Variants in PYROXD1 observed in about 807,000 individuals in gnomAD.
PYROXD1 encodes tRNA ligase complex-associated NAD(P)H dehydrogenase PYROXD1.
Under a neutral mutation model 62.0 loss-of-function variants are expected in PYROXD1, and 42 were observed. That is an observed-to-expected ratio of 0.68 (90% confidence interval 0.53 to 0.88). PYROXD1 has a LOEUF of 0.88. Ranked by LOEUF, PYROXD1 falls within the 40% of genes least tolerant of loss-of-function variation. The probability of loss-of-function intolerance (pLI) is 0.00; values close to 1 mark genes in which losing one functional copy is unlikely to be tolerated. For synonymous variants in PYROXD1, 170 were observed against 206.4 expected (o/e 0.82, Z 1.51); for missense variants, 493 against 604.8 (o/e 0.82, Z 1.94).
Position 21,462,872 on chromosome 12 carries a change from CAT to C in PYROXD1, c.1116+16_1116+17del. On this transcript the variant is annotated intron_variant, in intron 10 of 11. Coordinates refer to ENST00000240651, the MANE Select transcript of PYROXD1 (RefSeq NM_024854.5). ...CCCAGTCTGGCAGCAGGTAAGCTAGCATATATAATTATATGTTTTCATCAGAG... is the reference window on the plus strand; with the variant it reads ...CCCAGTCTGGCAGCAGGTAAGCTAGCATATAATTATATGTTTTCATCAGAG... 5 of 1,608,738 alleles carry C rather than the reference CAT, an allele frequency of 3.1e-6. No homozygotes were observed. The highest frequency in any genetic ancestry group is 4.2e-6 in the Non-Finnish European group (5 of 1,178,522).
chr12:21,461,952 T>C, intron 8 of PYROXD1, 56 bp from the exon 9 acceptor site: 1 of 1,019,348 alleles, frequency 9.8e-7, no homozygotes, highest in Non-Finnish European at 1.5e-6. Flanking sequence ...TACACTGCTG[T>C]GGTGATGGTT....
chr12:21,438,690 G>A (rs1337770233), intron 1 of PYROXD1, among the ~76,000 whole-genome samples: 1 of 152,200 alleles, frequency 6.6e-6, no homozygotes, highest in African/African-American at 2.4e-5. Context: ...ATACATGTGT[G>A]TATTCCAAAA....
chr12:21,445,157 C>T (rs879613400), intron 2 of PYROXD1, among the ~76,000 whole-genome samples, 190 bp from the exon 3 acceptor site: 1 of 152,182 alleles, frequency 6.6e-6, no homozygotes, highest in Non-Finnish European at 1.5e-5. Context: ...TGCCCAGGAG[C>T]GGCCAAGCAA....
intron 7 of PYROXD1, among the ~76,000 whole-genome samples, chr12:21,458,038 C>G (rs747961199): frequency 4.6e-5 from 7 of 152,132 alleles, no homozygotes; most frequent in Admixed American, 6.5e-5. Flanking sequence ...TTACATTATC[C>G]CCTAACAGGA....
chr12:21,462,941 C>A, intron 10 of PYROXD1, 79 bp downstream of exon 10: 2 of 1,447,758 alleles, frequency 1.4e-6, no homozygotes, highest in Non-Finnish European at 1.8e-6. Context: ...ACAAATCCAA[C>A]TTCTGGTTTT....
At chr12:21,459,712 G>A (rs1465444832) in intron 7 of PYROXD1, among the ~76,000 whole-genome samples, 1 of 152,202 alleles carries the variant, frequency 6.6e-6, no homozygotes, top group Non-Finnish European at 1.5e-5. Context: ...GCCAGATGGT[G>A]TCCTGTGCAG....
intron 3 of PYROXD1, among the ~76,000 whole-genome samples, chr12:21,448,958 G>A (rs1942441978): frequency 6.6e-6 from 1 of 151,884 alleles, no homozygotes; most frequent in Admixed American, 6.6e-5. Context: ...CATTTGGTTT[G>A]CTCGTAAAGT....
intron 1 of PYROXD1, among the ~76,000 whole-genome samples, chr12:21,439,060 A>C (rs891422461): frequency 6.6e-6 from 1 of 152,226 alleles, no homozygotes; most frequent in African/African-American, 2.4e-5. Flanking sequence ...TTATGAAAGA[A>C]TGAGTGAAAG....
At chr12:21,457,365 G>T (rs918854921) in intron 7 of PYROXD1, among the ~76,000 whole-genome samples, 17 of 151,934 alleles carry the variant, frequency 1.1e-4, no homozygotes, top group Non-Finnish European at 2.2e-4. Context: ...TCATCTCCTT[G>T]TGCATCTCTG....
In PYROXD1 at chr12:21,470,192, T is replaced by C. The variant is rs776157162; in HGVS notation, c.*1438T>C. 3.1e-6 allele frequency: 5 copies of C among 1,611,446 alleles called. No individual in the cohort carries two copies. The highest frequency in any genetic ancestry group is 1.3e-5 in the African/African-American group (1 of 74,774). ...TAATTAGAAAATTTAGTAACATTCA[T>C]ATCAGGCATCATCGATTTTTCTTTT... is the stretch of plus-strand genomic sequence containing the variant. On this transcript the variant is annotated 3_prime_UTR_variant, in exon 12 of 12. Transcript: ENST00000240651.
At chr12:21,438,678 A>G (rs1942240081) in intron 1 of PYROXD1, 1 of 152,256 alleles carries the variant, frequency 6.6e-6, no homozygotes, top group Non-Finnish European at 1.5e-5. Flanking sequence ...ATATATATTC[A>G]GATACATGTG....
rs191137670 is a variant in PYROXD1, at chr12:21,458,179, C to G, written c.750+2084C>G. Among the ~76,000 whole-genome samples the G allele has an allele frequency of 5.9e-5, 9 of 152,296 alleles. No individual in the cohort carries two copies. In the East Asian group the frequency reaches 9.6e-4, roughly 16 times the overall value. On this transcript the variant is annotated intron_variant, in intron 7 of 11. Transcript: ENST00000240651. ...ATCTACTGTTTAGTGTAGCCACATT[C>G]ATCAGTTATCAATTGTATATTTTTG...
At chr12:21,448,448 T>G (rs1371381699) in intron 3 of PYROXD1, 1 of 180,456 alleles carries the variant, frequency 5.5e-6, no homozygotes, top group Non-Finnish European at 1.1e-5. Flanking sequence ...TTACAGCAGC[T>G]AAATGCAAAT....
Position 21,470,881 on chromosome 12 carries a change from G to A in PYROXD1, c.*2127G>A. The A allele has an allele frequency of 1.1e-6, 1 of 930,674 alleles. No individual in the cohort carries two copies. The highest frequency in any genetic ancestry group is 1.7e-5 in the African/African-American group (1 of 57,608). 57.7% of individuals were successfully genotyped at this position (930,674 alleles called of 1,614,324 possible). On this transcript the variant is annotated 3_prime_UTR_variant, in exon 12 of 12. Transcript: ENST00000240651. Reference sequence around the variant, plus strand: ...AAACTGACTTTTCTCATGTTCAACTGGACCTAGGGGAATATGACAGAAAAG... The same window carrying A: ...AAACTGACTTTTCTCATGTTCAACTAGACCTAGGGGAATATGACAGAAAAG...
chr12:21,462,031 T>A lies in PYROXD1; in HGVS notation c.904T>A (p.Leu302Met). 1 of 1,611,114 alleles carries A rather than the reference T, an allele frequency of 6.2e-7. No individual in the cohort carries two copies. The highest frequency in any genetic ancestry group is 8.5e-7 in the Non-Finnish European group (1 of 1,178,730). Residue 302 changes from leucine to methionine, a missense_variant, in exon 9 of 12, where the codon TTG becomes ATG. Leu to Met is a conservative substitution (Grantham distance 15). Transcript: ENST00000240651. ...AGAGATGTGGCCTGTCTATGTGGAA[T>A]TGACCAATGAAAAGATATATGGCTG... is the stretch of plus-strand genomic sequence containing the variant. ...DTEMWPVYVE[L>M]TNEKIYGCDF...
chr12:21,459,581 G>A (rs1173797198), intron 7 of PYROXD1, among the ~76,000 whole-genome samples: 1 of 152,148 alleles, frequency 6.6e-6, no homozygotes, highest in Non-Finnish European at 1.5e-5. Flanking sequence ...TAAAACACCC[G>A]GGGCATGCAA....
intron 1 of PYROXD1, among the ~76,000 whole-genome samples, chr12:21,439,532 C>G (rs1942256346): frequency 6.6e-6 from 1 of 151,976 alleles, no homozygotes; most frequent in South Asian, 2.1e-4. Flanking sequence ...CTTTGGGAGG[C>G]CAAGGTGGGA....
intron 4 of PYROXD1, among the ~76,000 whole-genome samples, chr12:21,450,028 T>A (rs1591943852): frequency 2.7e-5 from 1 of 37,024 alleles, no homozygotes; most frequent in African/African-American, 1.0e-4. Context: ...TGGCTGATTT[T>A]TTTTTTTTTT....
intron 10 of PYROXD1, among the ~76,000 whole-genome samples, chr12:21,464,994 T>C (rs1297900743): frequency 6.6e-6 from 1 of 152,222 alleles, no homozygotes; most frequent in African/African-American, 2.4e-5. Context: ...ACAAAGGACA[T>C]GAACTCATCA....
Sources: allele counts gnomAD v4.1 joint callset (sites outside exome capture counted in the v4.1 genomes callset), GRCh38; gene constraint gnomAD v4.1.1; transcripts MANE v1.5; gene names NCBI Gene and HGNC (gene_info 2026-07-23, HGNC 2026-07-21).